The following GRXCR1 variants were observed in gnomAD, a reference collection of about 807,000 sequenced individuals.
GRXCR1 encodes the protein glutaredoxin domain-containing cysteine-rich protein 1.
In GRXCR1, 27 loss-of-function variants were observed where a neutral mutation model predicts 27.3. The observed-to-expected ratio is 0.99, with a 90% CI of 0.73 to 1.37. GRXCR1 has a LOEUF of 1.37. Among genes scored for constraint, GRXCR1 ranks in the 40% most tolerant of loss-of-function variants. The pLI, the probability that GRXCR1 is intolerant of heterozygous loss-of-function variation, is 0.00. For missense variants in GRXCR1, 379 were observed against 354.4 expected (o/e 1.07, Z -0.56); for synonymous variants, 122 against 131.1 (o/e 0.93, Z 0.47).
At chr4:42,986,138 G>T (rs1200103993) in intron 2 of GRXCR1, among the ~76,000 whole-genome samples, 3 of 152,106 alleles carry the variant, frequency 2.0e-5, no homozygotes, top group Non-Finnish European at 4.4e-5. Context: ...CTCCCAGTTT[G>T]GTTGAACATA....
At chr4:42,990,170 G>GTTATTTTTTTTT (rs1243636449) in intron 2 of GRXCR1, among the ~76,000 whole-genome samples, 1 of 63,494 alleles carries the variant, frequency 1.6e-5, no homozygotes, top group South Asian at 6.8e-4. Flanking sequence ...TGAATTATTA[G>GTTATTTTTTTTT]TTCTTTTTTT....
chr4:43,009,830 T>C (rs6841773), intron 2 of GRXCR1, among the ~76,000 whole-genome samples: 1 of 151,976 alleles, frequency 6.6e-6, no homozygotes, highest in Non-Finnish European at 1.5e-5. Flanking sequence ...TAGACATTCA[T>C]TCTACAGCAA....
At chr4:43,002,349 G>T (rs1157132384) in intron 2 of GRXCR1, among the ~76,000 whole-genome samples, 3 of 152,242 alleles carry the variant, frequency 2.0e-5, no homozygotes, top group Admixed American at 6.5e-5. Flanking sequence ...AGTGCATTGT[G>T]CCCCTGGTTT....
At position 42,978,655 on chromosome 4, in the gene GRXCR1, T is replaced by A. The variant is rs1467010108; in HGVS notation, c.627+15521T>A. ...TTTTGTATGTTGATTTTGTATTTCA[T>A]AATTTTATCAAATTTATTTTTTGGT... is the stretch of plus-strand genomic sequence containing the variant. On this transcript the variant is annotated intron_variant, in intron 2 of 3. Transcript: ENST00000399770. Among the ~76,000 whole-genome samples the A allele has an allele frequency of 2.0e-5, 3 of 152,128 alleles. No individual in the cohort carries two copies. In the East Asian group the frequency reaches 5.8e-4, roughly 29 times the overall value.
chr4:43,015,494 A>G (rs755394865), intron 2 of GRXCR1, among the ~76,000 whole-genome samples: 73 of 152,188 alleles, frequency 4.8e-4, no homozygotes, highest in Admixed American at 1.5e-3. Context: ...AAGCAAGAAT[A>G]CTATTTATTA....
chr4:42,980,344 T>C (rs1022063831), intron 2 of GRXCR1, among the ~76,000 whole-genome samples: 1 of 151,978 alleles, frequency 6.6e-6, no homozygotes, highest in Admixed American at 6.6e-5. Flanking sequence ...AGTGTTTCCA[T>C]TTTTCTTTGC....
At chr4:43,029,656 G>A (rs1713359240) in intron 3 of GRXCR1, among the ~76,000 whole-genome samples, 1 of 152,150 alleles carries the variant, frequency 6.6e-6, no homozygotes, top group Admixed American at 6.5e-5. Flanking sequence ...GCTTGAGATA[G>A]AAAGGTTGAT....
At chr4:42,954,588 G>A (rs150384626) in intron 1 of GRXCR1, among the ~76,000 whole-genome samples, 165 of 152,206 alleles carry the variant, frequency 1.1e-3, no homozygotes, top group Non-Finnish European at 1.9e-3. Context: ...AATGAAAAGT[G>A]CATATGTAGA....
At chr4:42,912,969 G>T (rs900782874) in intron 1 of GRXCR1, among the ~76,000 whole-genome samples, 1 of 152,124 alleles carries the variant, frequency 6.6e-6, no homozygotes, top group East Asian at 1.9e-4. Flanking sequence ...GTGAAGAGGG[G>T]TTTCCCTTTT....
chr4:42,914,999 C>T (rs1318910575), intron 1 of GRXCR1, among the ~76,000 whole-genome samples: 1 of 152,098 alleles, frequency 6.6e-6, no homozygotes, highest in Non-Finnish European at 1.5e-5. Context: ...GTAAGTTCCC[C>T]AGCCATGTGG....
chr4:42,894,395 T>A (rs1746302825), intron 1 of GRXCR1, among the ~76,000 whole-genome samples: 1 of 152,158 alleles, frequency 6.6e-6, no homozygotes, highest in Non-Finnish European at 1.5e-5. Flanking sequence ...ATTGGTAAAG[T>A]GATTTGTTTT....
chr4:42,932,615 TATATAG>T (rs1484298186), intron 1 of GRXCR1, among the ~76,000 whole-genome samples: 9 of 33,948 alleles, frequency 2.7e-4, no homozygotes, highest in South Asian at 1.5e-3. Flanking sequence ...TATATATATA[TATATAG>T]AGAGAGAGAG....
intron 1 of GRXCR1, among the ~76,000 whole-genome samples, chr4:42,907,501 G>T (rs1021017120): frequency 4.6e-5 from 7 of 152,212 alleles, no homozygotes; most frequent in African/African-American, 1.2e-4. Flanking sequence ...TCACATGGTT[G>T]CACTGTATTT....
intron 1 of GRXCR1, among the ~76,000 whole-genome samples, chr4:42,902,934 G>A (rs901731752): frequency 1.3e-5 from 2 of 152,086 alleles, no homozygotes; most frequent in African/African-American, 4.8e-5. Flanking sequence ...GTCCCCAAGG[G>A]GTCATCTTAA....
At chr4:42,911,682 T>C (rs1746725242) in intron 1 of GRXCR1, among the ~76,000 whole-genome samples, 1 of 152,100 alleles carries the variant, frequency 6.6e-6, no homozygotes, top group Admixed American at 6.6e-5. Flanking sequence ...AACTTCTAGA[T>C]CATGTACACC....
At chr4:42,903,870 A>C (rs1303674759) in intron 1 of GRXCR1, among the ~76,000 whole-genome samples, 1 of 152,220 alleles carries the variant, frequency 6.6e-6, no homozygotes, top group Admixed American at 6.5e-5. Flanking sequence ...AACAGACCCA[A>C]AGCCTGTGTT....
At chr4:42,964,778 T>C (rs574286413) in intron 2 of GRXCR1, among the ~76,000 whole-genome samples, 1 of 152,022 alleles carries the variant, frequency 6.6e-6, no homozygotes, top group African/African-American at 2.4e-5. Flanking sequence ...AATGAACATA[T>C]GTTGAATGGA....
intron 1 of GRXCR1, among the ~76,000 whole-genome samples, chr4:42,926,239 AT>A (rs548868326): frequency 4.9e-4 from 74 of 152,104 alleles, no homozygotes; most frequent in Non-Finnish European, 7.7e-4. Context: ...TGTTCCTTTC[AT>A]TCTTTTTTTT....
chr4:42,944,607 T>C (rs1747701120), intron 1 of GRXCR1, among the ~76,000 whole-genome samples: 2 of 152,244 alleles, frequency 1.3e-5, no homozygotes, highest in East Asian at 3.9e-4. Flanking sequence ...GAATCAGTTA[T>C]AAATCACCTT....
Sources: allele counts gnomAD v4.1 joint callset (sites outside exome capture counted in the v4.1 genomes callset), GRCh38; gene constraint gnomAD v4.1.1; transcripts MANE v1.5; gene names NCBI Gene and HGNC (gene_info 2026-07-23, HGNC 2026-07-21).